Variants in SLC9C1 observed in about 807,000 individuals in gnomAD.
The protein encoded by SLC9C1 is sodium/hydrogen exchanger 10.
In SLC9C1, 97 loss-of-function variants were observed where a neutral mutation model predicts 140.9. The observed-to-expected ratio is 0.69, with a 90% CI of 0.58 to 0.82. The LOEUF is 0.82. Among genes scored for constraint, SLC9C1 ranks in the 40% least tolerant of loss-of-function variants. SLC9C1 has a pLI of 0.00. For missense variants in SLC9C1, 1,340 were observed against 1,389.3 expected (o/e 0.96, Z 0.56); for synonymous variants, 440 against 442.6 (o/e 0.99, Z 0.07).
intron 12 of SLC9C1, among the ~76,000 whole-genome samples, chr3:112,232,856 T>G (rs16859355): frequency 0.1 from 15,795 of 151,844 alleles, 883 homozygotes; most frequent in East Asian, 0.2. Context: ...AGGTGACATC[T>G]CCCACAGCTA....
intron 12 of SLC9C1, among the ~76,000 whole-genome samples, chr3:112,234,554 T>C (rs1368621153): frequency 6.6e-6 from 1 of 152,212 alleles, no homozygotes; most frequent in East Asian, 1.9e-4. Context: ...TCCTTGCCCA[T>C]GCCTATGTCC....
intron 12 of SLC9C1, among the ~76,000 whole-genome samples, chr3:112,237,743 T>C (rs2079029743): frequency 6.6e-6 from 1 of 152,214 alleles, no homozygotes; most frequent in Non-Finnish European, 1.5e-5. Context: ...TATCAAATTC[T>C]GGGTTGAAAA....
chr3:112,166,366 CT>C (rs1233412265), intron 26 of SLC9C1, among the ~76,000 whole-genome samples: 3 of 152,204 alleles, frequency 2.0e-5, no homozygotes, highest in African/African-American at 7.2e-5. Context: ...GTCACTCATG[CT>C]GGGAGCTGTA....
intron 2 of SLC9C1, among the ~76,000 whole-genome samples, chr3:112,282,455 C>A (rs1361788512): frequency 6.6e-6 from 1 of 152,168 alleles, no homozygotes; most frequent in Non-Finnish European, 1.5e-5. Flanking sequence ...AAAGCTTTAG[C>A]AGAAAAATGC....
chr3:112,169,140 G>A, intron 24 of SLC9C1, 57 bp downstream of exon 24: 2 of 1,590,616 alleles, frequency 1.3e-6, no homozygotes, highest in Non-Finnish European at 1.7e-6. Flanking sequence ...CAATTATAAT[G>A]TTTTAATGCC....
intron 6 of SLC9C1, among the ~76,000 whole-genome samples, chr3:112,270,822 A>G (rs1051689869): frequency 1.3e-5 from 2 of 152,202 alleles, no homozygotes; most frequent in African/African-American, 2.4e-5. Flanking sequence ...TCTCAAAAAA[A>G]AAGGGTACCA....
intron 14 of SLC9C1, among the ~76,000 whole-genome samples, chr3:112,218,241 T>C (rs1315675431): frequency 6.6e-6 from 1 of 151,194 alleles, no homozygotes; most frequent in Non-Finnish European, 1.5e-5. Context: ...GTTTAGCCAA[T>C]CTCCTTGGCT....
intron 3 of SLC9C1, among the ~76,000 whole-genome samples, chr3:112,280,031 G>A (rs1247274124): frequency 1.3e-5 from 2 of 152,188 alleles, no homozygotes; most frequent in Non-Finnish European, 2.9e-5. Context: ...AAAATCATAT[G>A]ATTACAAAAC....
chr3:112,282,827 C>G (rs1404101106), intron 2 of SLC9C1, among the ~76,000 whole-genome samples: 1 of 152,110 alleles, frequency 6.6e-6, no homozygotes. Context: ...CATTTTTCCA[C>G]AAATTTTTGA....
At position 112,199,191 on chromosome 3, in the gene SLC9C1, C is replaced by T. The variant is rs1055788646; in HGVS notation, c.2523+130G>A. Reference sequence around the variant, plus strand: ...ACTGTCTATCATAGGAGTTTGTCTTCAGAAAATTATTTTAAGTGAGATTTT... The same window carrying T: ...ACTGTCTATCATAGGAGTTTGTCTTTAGAAAATTATTTTAAGTGAGATTTT... On this transcript the variant is annotated intron_variant, in intron 20 of 28. Transcript: ENST00000305815. 9 of 744,302 alleles carry T rather than the reference C, an allele frequency of 1.2e-5. No homozygotes were observed. The African/African-American group carries it at 1.6e-4, about 14-fold the overall frequency. The allele number at this position is 744,302 out of a possible 1,614,324, so 46.1% of individuals were successfully genotyped here.
intron 11 of SLC9C1, 86 bp from the exon 12 acceptor site, chr3:112,240,092 T>C (rs759391039): frequency 4.1e-6 from 5 of 1,230,314 alleles, no homozygotes; most frequent in Non-Finnish European, 5.6e-6. Context: ...TTTTAACTTA[T>C]TGTCACTAAT....
At chr3:112,202,925 G>T (rs2029636) in intron 17 of SLC9C1, among the ~76,000 whole-genome samples, 45,807 of 151,652 alleles carry the variant, frequency 0.3, 7,145 homozygotes, top group African/African-American at 0.35. Context: ...CCTAGCTTCT[G>T]CAGAGTTCAT....
intron 15 of SLC9C1, among the ~76,000 whole-genome samples, chr3:112,215,564 A>C (rs1294944022): frequency 1.3e-5 from 2 of 152,082 alleles, no homozygotes; most frequent in East Asian, 3.8e-4. Context: ...ATACACCAAT[A>C]ACAGACAAAC....
Position 112,169,008 on chromosome 3 carries a change from G to C in SLC9C1, c.3106C>G (p.Pro1036Ala). The change falls in exon 25 of 29, where the codon CCA (proline) becomes GCA (alanine). Residue 1036 changes from proline (P) to alanine (A), a missense_variant. Transcript: ENST00000305815. ...TAAATATCAGTTTTGGTACTCATTG[G>C]TATATCTACTACATAAATATTAGAG... ...KLSNIYVVDI[P>A]MSTKTDIYDE... The C allele has an allele frequency of 6.2e-7, 1 of 1,608,772 alleles. No individual in the cohort carries two copies. Among genetic ancestry groups the C allele is most frequent in the Non-Finnish European group, 8.5e-7 (1 of 1,178,308 alleles).
chr3:112,237,086 T>C (rs558822219), intron 12 of SLC9C1, among the ~76,000 whole-genome samples: 1 of 152,180 alleles, frequency 6.6e-6, no homozygotes. Flanking sequence ...CCCATTATTA[T>C]TGTGTGGGAG....
chr3:112,162,066 CTGTT>C (rs1188888512), intron 26 of SLC9C1, among the ~76,000 whole-genome samples: 3 of 152,142 alleles, frequency 2.0e-5, no homozygotes, highest in Admixed American at 6.5e-5. Flanking sequence ...ATTTGGCTCT[CTGTT>C]TGTCTGTTGT....
Position 112,286,762 on chromosome 3 carries a change from GAA to G in SLC9C1, c.28_29del (p.Phe10GlnfsTer3). On this transcript the variant is annotated frameshift_variant, in exon 2 of 29. Coordinates refer to ENST00000305815, the MANE Select transcript of SLC9C1 (RefSeq NM_183061.3). LOFTEE classifies it high-confidence loss of function. The part of the protein sequence containing the change: MAGIFKEFF[F>X]STEDLPEVIL... ...TGACTTCAGGGAGGTCCTCAGTACT[GAA>G]AAAAAACTCCTTAAATATTCCAGCC... 1 of 1,609,910 alleles carries G rather than the reference GAA, an allele frequency of 6.2e-7. No individual in the cohort carries two copies. The highest frequency in any genetic ancestry group is 8.5e-7 in the Non-Finnish European group (1 of 1,178,448).
At chr3:112,279,723 A>G (rs1054354260) in intron 3 of SLC9C1, among the ~76,000 whole-genome samples, 8 of 152,206 alleles carry the variant, frequency 5.3e-5, no homozygotes, top group Non-Finnish European at 8.8e-5. Context: ...ATATAACCCA[A>G]TGTAGGTGCA....
chr3:112,183,344 C>CTTTTTTTTTTTTT (rs1159788975), intron 20 of SLC9C1, among the ~76,000 whole-genome samples: 3 of 20,960 alleles, frequency 1.4e-4, no homozygotes, highest in Non-Finnish European at 2.4e-4. Flanking sequence ...TATTTAGCAC[C>CTTTTTTTTTTTTT]TTTTCTTTTT....
Sources: gnomAD v4.1 joint callset for allele counts (sites outside exome capture counted in the v4.1 genomes callset) on GRCh38, gnomAD v4.1.1 for gene constraint, MANE v1.5 for transcripts, NCBI Gene and HGNC (gene_info 2026-07-23, HGNC 2026-07-21) for gene names.